The following CYP2B6 variants were observed in gnomAD, a reference collection of about 807,000 sequenced individuals.
The protein encoded by CYP2B6 is cytochrome P450 2B6.
Under a neutral mutation model 43.4 loss-of-function variants are expected in CYP2B6, and 35 were observed. The observed-to-expected ratio is 0.81, with a 90% CI of 0.62 to 1.07. The LOEUF is 1.07. CYP2B6 is among the 50% of genes least tolerant of loss of function. The pLI, the probability that CYP2B6 is intolerant of heterozygous loss-of-function variation, is 0.00. For missense variants in CYP2B6, 624 were observed against 632.8 expected, an observed-to-expected ratio of 0.99 and a Z score of 0.15; for synonymous variants, 239 against 239.2, an observed-to-expected ratio of 1.00 and a Z score of 0.01.
intron 3 of CYP2B6, 99 bp downstream of exon 3, chr19:41,004,545 C>G: frequency 7.3e-7 from 1 of 1,376,826 alleles, no homozygotes; most frequent in Non-Finnish European, 1.0e-6. Context: ...AGGGCACAGA[C>G]AGAGACAGAC....
At chr19:41,008,075 C>G (rs554854176) in intron 4 of CYP2B6, among the ~76,000 whole-genome samples, 164 of 151,680 alleles carry the variant, frequency 1.1e-3, no homozygotes, top group African/African-American at 3.8e-3. Context: ...TTAACTTTCC[C>G]CAGATTGTAA....
Position 41,007,131 on chromosome 19 carries a change from G to A in CYP2B6, c.645+66G>A, listed in dbSNP as rs1465064031. On this transcript the variant is annotated intron_variant, in intron 4 of 8. Coordinates refer to ENST00000324071, the MANE Select transcript of CYP2B6 (RefSeq NM_000767.5). ...TGAACACCCAGAACACACGAGAAAA[G>A]GATGACCTGTCTTGGGGGCTCAGAA... The A allele has an allele frequency of 2.7e-6, 4 of 1,506,518 alleles. No homozygotes were observed. In the African/African-American group the frequency reaches 4.1e-5, roughly 16 times the overall value. The allele number at this position is 1,506,518 out of a possible 1,614,324, so 93.3% of individuals were successfully genotyped here.
At chr19:41,008,013 C>T (rs1430119400) in intron 4 of CYP2B6, among the ~76,000 whole-genome samples, 1 of 151,736 alleles carries the variant, frequency 6.6e-6, no homozygotes, top group Non-Finnish European at 1.5e-5. Context: ...CAATAAGGAA[C>T]AGCATTTCTT....
At chr19:41,003,655 G>T (rs931150674) in intron 1 of CYP2B6, among the ~76,000 whole-genome samples, 9 of 152,080 alleles carry the variant, frequency 5.9e-5, no homozygotes, top group Non-Finnish European at 8.8e-5. Flanking sequence ...TGTCCAACCT[G>T]CCTTATTTTG....
chr19:41,008,397 A>G (rs1365963109), intron 4 of CYP2B6, among the ~76,000 whole-genome samples: 1 of 140,068 alleles, frequency 7.1e-6, no homozygotes, highest in African/African-American at 2.8e-5. Flanking sequence ...TATTTTTAGT[A>G]GAGATGGTGT....
chr19:41,007,421 G>C (rs150078556), intron 4 of CYP2B6: 3,381 of 272,616 alleles, frequency 0.012, 204 homozygotes, highest in Admixed American at 0.12. Context: ...AACGAATAAG[G>C]CTTTGGGCTT....
intron 6 of CYP2B6, among the ~76,000 whole-genome samples, chr19:41,011,624 A>T (rs1969285944): frequency 6.6e-6 from 1 of 152,212 alleles, no homozygotes; most frequent in African/African-American, 2.4e-5. Context: ...TGTCTCAACT[A>T]TATTATAAAC....
At chr19:41,004,501 G>A in intron 3 of CYP2B6, 55 bp downstream of exon 3, 1 of 1,592,042 alleles carries the variant, frequency 6.3e-7, no homozygotes, top group Non-Finnish European at 8.6e-7. Flanking sequence ...GAGAGATGCA[G>A]GTGCACGGGA....
chr19:41,011,021 A>G (rs1969275500), intron 6 of CYP2B6, among the ~76,000 whole-genome samples: 1 of 148,240 alleles, frequency 6.7e-6, no homozygotes, highest in African/African-American at 2.5e-5. Flanking sequence ...ATCTAAGGAC[A>G]TATACTGTCA....
chr19:40,997,410 G>T (rs537044115), intron 1 of CYP2B6, among the ~76,000 whole-genome samples: 1 of 152,048 alleles, frequency 6.6e-6, no homozygotes, highest in African/African-American at 2.4e-5. Context: ...CCCCTCCCAT[G>T]TTGACCATAC....
intron 6 of CYP2B6, among the ~76,000 whole-genome samples, chr19:41,011,708 A>G (rs983311269): frequency 1.1e-4 from 17 of 152,074 alleles, no homozygotes; most frequent in African/African-American, 3.9e-4. Flanking sequence ...GGAGTTCTTA[A>G]TCTGAAATTC....
Position 41,018,123 on chromosome 19 carries a change from CATAAT to C in CYP2B6, c.*1299_*1303del, listed in dbSNP as rs1969398828. ...TGTTCCAAAGTGCTGATATTACAGG[CATAAT>C]ATGTGATCTTTTGTGTCTGGTTGCT... On this transcript the variant is annotated 3_prime_UTR_variant, in exon 9 of 9. Coordinates refer to ENST00000324071, the MANE Select transcript of CYP2B6 (RefSeq NM_000767.5). 6.6e-6 allele frequency: 1 copy of C among 152,202 alleles called. No homozygotes were observed. The highest frequency in any genetic ancestry group is 2.1e-4 in the South Asian group (1 of 4,826). The allele number at this position is 152,202 out of a possible 1,614,324, so 9.4% of individuals were successfully genotyped here. A position where few individuals can be genotyped will look rare whatever the true frequency, so the allele number is the denominator to read the frequency against.
At chr19:41,003,262 C>A (rs144055775) in intron 1 of CYP2B6, among the ~76,000 whole-genome samples, 11 of 152,004 alleles carry the variant, frequency 7.2e-5, no homozygotes, top group East Asian at 5.8e-4. Flanking sequence ...TGAAACCCCA[C>A]ATAATACTGA....
At chr19:41,003,768 C>A (rs997570084) in intron 1 of CYP2B6, among the ~76,000 whole-genome samples, 10 of 152,148 alleles carry the variant, frequency 6.6e-5, no homozygotes, top group Admixed American at 6.5e-4. Context: ...GAGGAAGGGG[C>A]TTTACTGGCC....
intron 8 of CYP2B6, among the ~76,000 whole-genome samples, chr19:41,013,855 G>C (rs1185954917): frequency 1.3e-5 from 2 of 152,204 alleles, no homozygotes; most frequent in African/African-American, 4.8e-5. Flanking sequence ...AATGTGGTCA[G>C]GCACTATTTA....
rs764180145 is a variant in CYP2B6, at chr19:41,016,767, C to G, written c.1416C>G (p.Pro472=). 6 of 1,614,194 alleles carry G rather than the reference C, an allele frequency of 3.7e-6. No individual in the cohort carries two copies. Among genetic ancestry groups the G allele is most frequent in the South Asian group, 2.2e-5 (2 of 91,080 alleles). The change falls in exon 9 of 9, where the codon CCC becomes CCG. Residue 472 remains proline (P), a synonymous_variant. Transcript: ENST00000324071. ...CCCCAGAAGACATCGATCTGACACC[C>G]CAGGAGTGTGGTGTGGGCAAAATAC... The part of the protein sequence containing the change: ...PVAPEDIDLT[P]QECGVGKIPP...
chr19:41,018,031 T>G lies in CYP2B6; in HGVS notation c.*1204T>G, dbSNP rs1289230813. On this transcript the variant is annotated 3_prime_UTR_variant, in exon 9 of 9. Transcript: ENST00000324071. Reference sequence around the variant, plus strand: ...CCATGCCTGGCTAATTTTCTTGTAGTTTTAGTAGGGACATGTTGGCCAGGC... The same window carrying G: ...CCATGCCTGGCTAATTTTCTTGTAGGTTTAGTAGGGACATGTTGGCCAGGC... 6.6e-6 allele frequency: 1 copy of G among 152,028 alleles called. No individual in the cohort carries two copies. Among genetic ancestry groups the G allele is most frequent in the Non-Finnish European group, 1.5e-5 (1 of 67,996 alleles). 9.4% of individuals were successfully genotyped at this position (152,028 alleles called of 1,614,324 possible).
chr19:41,015,020 G>A (rs1358205891), intron 8 of CYP2B6, among the ~76,000 whole-genome samples: 2 of 152,060 alleles, frequency 1.3e-5, no homozygotes, highest in African/African-American at 2.4e-5. Context: ...AAAGAGATTG[G>A]GGAGAAATCA....
chr19:41,008,229 T>G (rs1176675382), intron 4 of CYP2B6, among the ~76,000 whole-genome samples: 1 of 151,660 alleles, frequency 6.6e-6, no homozygotes, highest in Non-Finnish European at 1.5e-5. Context: ...GTTGTTGTTT[T>G]CAGACAGTAT....
Sources: allele counts gnomAD v4.1 joint callset (sites outside exome capture counted in the v4.1 genomes callset), GRCh38; gene constraint gnomAD v4.1.1; transcripts MANE v1.5; gene names NCBI Gene and HGNC (gene_info 2026-07-23, HGNC 2026-07-21).